SH3TC2: variants seen among roughly 807,000 people sequenced by gnomAD.
The protein encoded by SH3TC2 is SH3 domain and tetratricopeptide repeat-containing protein 2.
A neutral mutation model predicts 124.5 loss-of-function variants in SH3TC2; 87 were observed. The observed-to-expected ratio is 0.70, with a 90% CI of 0.59 to 0.84. SH3TC2 has a LOEUF of 0.84. Among genes scored for constraint, SH3TC2 ranks in the 40% least tolerant of loss-of-function variants. The pLI, the probability that SH3TC2 is intolerant of heterozygous loss-of-function variation, is 0.00. For missense variants in SH3TC2, 1,536 were observed against 1,566.4 expected (o/e 0.98, Z 0.33); for synonymous variants, 634 against 628.5 (o/e 1.01, Z -0.13).
chr5:148,983,592 C>T lies in SH3TC2; in HGVS notation c.*21119G>A, dbSNP rs1326174533. Among the ~76,000 whole-genome samples the T allele has an allele frequency of 6.6e-6, 1 of 152,162 alleles. No homozygotes were observed. Among genetic ancestry groups the T allele is most frequent in the Non-Finnish European group, 1.5e-5 (1 of 68,032 alleles). On this transcript the variant is annotated 3_prime_UTR_variant, in exon 17 of 17. Coordinates refer to ENST00000515425, the MANE Select transcript of SH3TC2 (RefSeq NM_024577.4). ...ATTTCATCTTGCTGAAGTGCACATTCCCCTTCCAGTAACAGCAATCTAGCT... is the reference window on the plus strand; with the variant it reads ...ATTTCATCTTGCTGAAGTGCACATTTCCCTTCCAGTAACAGCAATCTAGCT...
intron 1 of SH3TC2, among the ~76,000 whole-genome samples, chr5:149,062,661 C>A (rs1003508311): frequency 6.6e-6 from 1 of 152,142 alleles, no homozygotes; most frequent in Admixed American, 6.5e-5. Flanking sequence ...GGGGGGATCT[C>A]GGGAAGAAAG....
At chr5:149,041,208 AAATTTAGAGTTGTCTCC>A (rs1469418536) in intron 6 of SH3TC2, among the ~76,000 whole-genome samples, 191 bp downstream of exon 6, 5 of 152,162 alleles carry the variant, frequency 3.3e-5, no homozygotes. Flanking sequence ...TGCCCATCTG[AAATTTAGAGTTGTCTCC>A]AATTTCATCA....
Position 148,988,561 on chromosome 5 carries a change from C to T in SH3TC2, c.*16150G>A, listed in dbSNP as rs184120738. On this transcript the variant is annotated 3_prime_UTR_variant, in exon 17 of 17. Coordinates refer to ENST00000515425, the MANE Select transcript of SH3TC2 (RefSeq NM_024577.4). Reference sequence around the variant, plus strand: ...GTAAGACGGCCAAGCCACATGGAGTCGACATGGCTCACGGCTCCAGTTGAT... The same window carrying T: ...GTAAGACGGCCAAGCCACATGGAGTTGACATGGCTCACGGCTCCAGTTGAT... Among the ~76,000 whole-genome samples, 3 of 152,270 alleles carry T rather than the reference C, an allele frequency of 2.0e-5. No individual in the cohort carries two copies. Among genetic ancestry groups the T allele is most frequent in the East Asian group, 1.9e-4 (1 of 5,172 alleles).
At chr5:149,007,945 A>T (rs1203134356) in intron 15 of SH3TC2, 1 of 152,598 alleles carries the variant, frequency 6.6e-6, no homozygotes, top group Non-Finnish European at 1.5e-5. Flanking sequence ...TTCAGCTCCC[A>T]TCCAGTGAGG....
In SH3TC2 at chr5:149,001,689, T is replaced by C. The variant is rs1389762355; in HGVS notation, c.*3022A>G. 3.9e-5 allele frequency: 6 copies of C among 152,210 alleles called. No individual in the cohort carries two copies. The highest frequency in any genetic ancestry group is 7.4e-5 in the Non-Finnish European group (5 of 68,026). 9.4% of individuals were successfully genotyped at this position (152,210 alleles called of 1,614,324 possible). The stretch of plus-strand genomic sequence containing the variant: ...ATATAGCACAATGTTTTTCTTATTT[T>C]AAAAAAATAGTCTTACCCTTGTCTT... On this transcript the variant is annotated 3_prime_UTR_variant, in exon 17 of 17. Coordinates refer to ENST00000515425, the MANE Select transcript of SH3TC2 (RefSeq NM_024577.4).
intron 16 of SH3TC2, 70 bp downstream of exon 16, chr5:149,006,811 T>C: frequency 6.7e-7 from 1 of 1,493,838 alleles, no homozygotes; most frequent in Non-Finnish European, 9.3e-7. Flanking sequence ...AGGCTCCTCA[T>C]TGTCTTTGAG....
rs964156176 is a variant in SH3TC2, at chr5:148,999,058, C to A, written c.*5653G>T. Reference sequence around the variant, plus strand: ...AGCTACCACCAATTGACATTCATACCAAGCCATCCATACATCTCGTCTCAA... The same window carrying A: ...AGCTACCACCAATTGACATTCATACAAAGCCATCCATACATCTCGTCTCAA... On this transcript the variant is annotated 3_prime_UTR_variant, in exon 17 of 17. Transcript: ENST00000515425. Among the ~76,000 whole-genome samples the A allele has an allele frequency of 1.3e-5, 2 of 152,190 alleles. No homozygotes were observed. Among genetic ancestry groups the A allele is most frequent in the Admixed American group, 1.3e-4 (2 of 15,282 alleles).
chr5:149,027,407 A>G lies in SH3TC2; in HGVS notation c.2325T>C (p.Gly775=). ...KVYLEHRSPD[G]AIHYLSQALV... is the part of the protein sequence containing the mutation. ...AGGCCTGGCTCAGGTAGTGGATGGC[A>G]CCGTCAGGAGACCTGTGCTCGAGGT... is the stretch of plus-strand genomic sequence containing the variant. The change falls in exon 11 of 17, where the codon GGT becomes GGC. Residue 775 remains glycine, a synonymous_variant. Transcript: ENST00000515425. The G allele has an allele frequency of 6.2e-7, 1 of 1,614,126 alleles. No individual in the cohort carries two copies. The highest frequency in any genetic ancestry group is 1.1e-5 in the South Asian group (1 of 91,086).
At chr5:149,051,913 C>T (rs1157005155) in intron 2 of SH3TC2, among the ~76,000 whole-genome samples, 1 of 152,162 alleles carries the variant, frequency 6.6e-6, no homozygotes, top group Middle Eastern at 3.2e-3. Flanking sequence ...AAGTATGGAG[C>T]TCCTAATAAG....
rs374853461 is a variant in SH3TC2, at chr5:149,010,328, G to C, written c.3269C>G (p.Ala1090Gly). ...GGTCCCATTGAAGAACACATCACCT[G>C]CTTCTTCATAAAGTTTGAGAGCCAG... ...PLLALKLYEE[A>G]GDVFFNGTRH... The change falls in exon 14 of 17, where the codon GCA becomes GGA. Residue 1090 changes from alanine to glycine, a missense_variant. Around this residue, in one of 3 missense-constraint regions of SH3TC2, gnomAD observed 426 missense variants for 443.5 expected, o/e 0.96. Coordinates refer to ENST00000515425, the MANE Select transcript of SH3TC2 (RefSeq NM_024577.4). The C allele has an allele frequency of 3.6e-5, 58 of 1,613,888 alleles. No individual in the cohort carries two copies. The highest frequency in any genetic ancestry group is 4.0e-5 in the Non-Finnish European group (47 of 1,180,008).
At chr5:149,039,093 A>T (rs1754329020) in intron 7 of SH3TC2, among the ~76,000 whole-genome samples, 1 of 152,190 alleles carries the variant, frequency 6.6e-6, no homozygotes, top group Non-Finnish European at 1.5e-5. Flanking sequence ...CCTTATTACC[A>T]CTGGTGGAAT....
intron 7 of SH3TC2, 51 bp downstream of exon 7, chr5:149,040,553 G>T: frequency 6.6e-7 from 1 of 1,516,520 alleles, no homozygotes; most frequent in Non-Finnish European, 9.2e-7. Flanking sequence ...AAATTGAGAG[G>T]CAGGACAACA....
chr5:149,040,677 C>T lies in SH3TC2; in HGVS notation c.732G>A (p.Gln244=), dbSNP rs766985317. ...TTCCTGGATAATTCTTTAGGAACCA[C>T]CTGCCAATGAAAACATGGGGTTTGC... ...ALEPLPLPFH[Q]WFLKNYPGSC... The change falls in exon 7 of 17, where the codon CAG becomes CAA. Residue 244 remains glutamine, a splice_region_variant and synonymous_variant. Transcript: ENST00000515425. The T allele has an allele frequency of 6.2e-7, 1 of 1,614,060 alleles. No individual in the cohort carries two copies. Among genetic ancestry groups the T allele is most frequent in the South Asian group, 1.1e-5 (1 of 91,078 alleles).
intron 12 of SH3TC2, among the ~76,000 whole-genome samples, chr5:149,017,338 G>A (rs147021863): frequency 1.3e-5 from 2 of 152,134 alleles, no homozygotes; most frequent in South Asian, 4.1e-4. Flanking sequence ...CAGAAGACAA[G>A]ACTCCCTAAG....
intron 2 of SH3TC2, among the ~76,000 whole-genome samples, chr5:149,048,950 C>T (rs1016235738): frequency 1.3e-5 from 2 of 152,166 alleles, no homozygotes; most frequent in Admixed American, 1.3e-4. Context: ...ACTGAGAAGG[C>T]GTTGGAATGG....
chr5:149,032,645 C>CT (rs1754216273), intron 8 of SH3TC2, among the ~76,000 whole-genome samples: 1 of 152,134 alleles, frequency 6.6e-6, no homozygotes, highest in Non-Finnish European at 1.5e-5. Context: ...TACTCTTATC[C>CT]TTTTTACAGA....
Position 149,027,586 on chromosome 5 carries a change from G to T in SH3TC2, c.2146C>A (p.Gln716Lys). 1 of 1,614,266 alleles carries T rather than the reference G, an allele frequency of 6.2e-7. No homozygotes were observed. The highest frequency in any genetic ancestry group is 8.5e-7 in the Non-Finnish European group (1 of 1,180,048). ...AAGCCAAGGAGCTTGGTTGTGTTCT[G>T]GAGGACAAGGTGGACCTGCCAAATA... Reference protein sequence around the residue: ...LPIWQVHLVLQNTTKLLGFPS... With the variant: ...LPIWQVHLVLKNTTKLLGFPS... Residue 716 changes from glutamine (Q) to lysine (K), a missense_variant, in exon 11 of 17, where the codon CAG becomes AAG. Transcript: ENST00000515425.
chr5:148,982,379 C>T lies in SH3TC2; in HGVS notation c.*22332G>A, dbSNP rs1018558783. 1.4e-4 allele frequency among the ~76,000 whole-genome samples: 21 copies of T among 152,198 alleles called. No individual in the cohort carries two copies. The highest frequency in any genetic ancestry group is 4.6e-4 in the African/African-American group (19 of 41,444). On this transcript the variant is annotated 3_prime_UTR_variant, in exon 17 of 17. Transcript: ENST00000515425. ...ATATGCCCTTAGTATTCTGCTATTT[C>T]ACTTTTGTGGAATTTTTCCTACATA...
In SH3TC2 at chr5:148,991,563, G is replaced by C. The variant is rs991317174; in HGVS notation, c.*13148C>G. On this transcript the variant is annotated 3_prime_UTR_variant, in exon 17 of 17. Coordinates refer to ENST00000515425, the MANE Select transcript of SH3TC2 (RefSeq NM_024577.4). ...GTTATATCTGAAGGGTTTCCCCCAG[G>C]AGCTCCAGTTCTTTTAGTGGTAGTA... Among the ~76,000 whole-genome samples the C allele has an allele frequency of 6.6e-6, 1 of 152,138 alleles. No individual in the cohort carries two copies. Among genetic ancestry groups the C allele is most frequent in the Non-Finnish European group, 1.5e-5 (1 of 68,024 alleles).
Sources: allele counts gnomAD v4.1 joint callset (sites outside exome capture counted in the v4.1 genomes callset), GRCh38; gene constraint gnomAD v4.1.1; regional missense constraint gnomAD v4.1.1; transcripts MANE v1.5; gene names NCBI Gene and HGNC (gene_info 2026-07-23, HGNC 2026-07-21).